CHST9: variants seen among roughly 807,000 people sequenced by gnomAD.
CHST9 encodes GalNAc-4-sulfotransferase 2.
CHST9 carries 41 observed loss-of-function variants against 44.4 expected under a neutral mutation model. The observed-to-expected ratio is 0.92, with a 90% CI of 0.72 to 1.20. CHST9 has a LOEUF of 1.20. Ranked by LOEUF, CHST9 falls within the 50% of genes most tolerant of loss-of-function variation. CHST9 has a pLI of 0.00. For synonymous variants in CHST9, 171 were observed against 178.4 expected (o/e 0.96, Z 0.33); for missense variants, 504 against 516.5 (o/e 0.98, Z 0.23).
intron 1 of CHST9, among the ~76,000 whole-genome samples, chr18:27,162,076 T>C (rs2058751842): frequency 6.6e-6 from 1 of 152,222 alleles, no homozygotes; most frequent in Non-Finnish European, 1.5e-5. Flanking sequence ...TGCCAGTCTG[T>C]GTCTTTCAGT....
intron 2 of CHST9, among the ~76,000 whole-genome samples, chr18:27,130,130 T>C (rs1403043595): frequency 6.6e-6 from 1 of 152,194 alleles, no homozygotes; most frequent in East Asian, 1.9e-4. Context: ...TGGGACTAGA[T>C]GGTGCTTTGA....
chr18:27,117,684 G>T (rs2058340051), intron 2 of CHST9, among the ~76,000 whole-genome samples: 2 of 152,032 alleles, frequency 1.3e-5, no homozygotes, highest in African/African-American at 4.8e-5. Context: ...TTACTAATAT[G>T]CATTTTTAAG....
intron 4 of CHST9, among the ~76,000 whole-genome samples, chr18:26,948,706 G>A (rs976941403): frequency 2.0e-5 from 3 of 152,282 alleles, no homozygotes; most frequent in African/African-American, 7.2e-5. Flanking sequence ...TAATGCTCTG[G>A]CTTGTTTGCC....
At chr18:26,933,715 G>T in intron 5 of CHST9, 1 of 153,766 alleles carries the variant, frequency 6.5e-6, no homozygotes. Context: ...TTGGGGCTAG[G>T]GGGCAAACGA....
intron 1 of CHST9, among the ~76,000 whole-genome samples, chr18:27,151,457 C>A (rs567177402): frequency 6.6e-6 from 1 of 152,190 alleles, no homozygotes; most frequent in Non-Finnish European, 1.5e-5. Flanking sequence ...AATGAGTCTC[C>A]CAAAAGGTCC....
At chr18:27,144,094 G>A (rs2058592017) in intron 1 of CHST9, among the ~76,000 whole-genome samples, 2 of 152,312 alleles carry the variant, frequency 1.3e-5, no homozygotes, top group Admixed American at 6.5e-5. Flanking sequence ...CCAAGGTCAC[G>A]GCTTTGTATC....
At chr18:26,961,372 G>A (rs1200767772) in intron 4 of CHST9, among the ~76,000 whole-genome samples, 2 of 151,970 alleles carry the variant, frequency 1.3e-5, no homozygotes, top group African/African-American at 4.8e-5. Context: ...TTTGTTACAC[G>A]TTAAGGCCGG....
chr18:27,055,297 T>C (rs1221165904), intron 2 of CHST9, among the ~76,000 whole-genome samples: 1 of 152,202 alleles, frequency 6.6e-6, no homozygotes, highest in Non-Finnish European at 1.5e-5. Context: ...TTTTTTAATA[T>C]CGTTTTTGTT....
At chr18:27,073,403 G>A (rs1176588421) in intron 2 of CHST9, among the ~76,000 whole-genome samples, 2 of 126,518 alleles carry the variant, frequency 1.6e-5, no homozygotes, top group Non-Finnish European at 3.3e-5. Flanking sequence ...GCTGATGGGG[G>A]TGGGGGGTGG....
At chr18:27,026,376 T>C (rs1301592057) in intron 3 of CHST9, among the ~76,000 whole-genome samples, 2 of 152,200 alleles carry the variant, frequency 1.3e-5, no homozygotes, top group Non-Finnish European at 1.5e-5. Flanking sequence ...GAACCTAGTT[T>C]AGTCTTATGC....
intron 5 of CHST9, chr18:26,935,888 A>T (rs1215090979): frequency 2.0e-5 from 3 of 152,166 alleles, no homozygotes; most frequent in African/African-American, 7.2e-5. Flanking sequence ...TTCTGCGAAA[A>T]ACAAGTGCTA....
At chr18:26,992,508 A>G (rs2056831675) in intron 4 of CHST9, among the ~76,000 whole-genome samples, 1 of 152,204 alleles carries the variant, frequency 6.6e-6, no homozygotes, top group African/African-American at 2.4e-5. Context: ...GACAGATTAG[A>G]GTGTGAAAAA....
At chr18:26,978,923 A>ACGAAC in intron 4 of CHST9, among the ~76,000 whole-genome samples, 1 of 152,218 alleles carries the variant, frequency 6.6e-6, no homozygotes, top group Admixed American at 6.5e-5. Flanking sequence ...GAGAGTCAAG[A>ACGAAC]CCTTAGCCAA....
intron 1 of CHST9, among the ~76,000 whole-genome samples, chr18:27,153,473 C>A (rs780389309): frequency 2.6e-5 from 4 of 151,460 alleles, no homozygotes; most frequent in Non-Finnish European, 5.9e-5. Flanking sequence ...CTTCACATGG[C>A]CTTTTCCTCT....
intron 4 of CHST9, among the ~76,000 whole-genome samples, chr18:26,983,092 G>C (rs1023036771): frequency 6.6e-6 from 1 of 152,148 alleles, no homozygotes; most frequent in African/African-American, 2.4e-5. Flanking sequence ...TCCAGGAAGA[G>C]GCACTGTCAA....
chr18:27,138,471 T>G (rs2058535561), intron 2 of CHST9, among the ~76,000 whole-genome samples: 1 of 152,180 alleles, frequency 6.6e-6, no homozygotes, highest in Admixed American at 6.5e-5. Context: ...TTCTCCCAAC[T>G]AATTTAACCA....
chr18:27,088,935 T>C (rs1338472881), intron 2 of CHST9, among the ~76,000 whole-genome samples: 2 of 152,178 alleles, frequency 1.3e-5, no homozygotes, highest in Non-Finnish European at 2.9e-5. Flanking sequence ...TCAGAACCTC[T>C]GTAAACAGAG....
intron 2 of CHST9, among the ~76,000 whole-genome samples, chr18:27,107,948 T>C (rs2080411009): frequency 6.6e-6 from 1 of 152,216 alleles, no homozygotes. Flanking sequence ...CAATCTCACG[T>C]CCACGTTATT....
At chr18:27,137,478 A>C (rs2058526133) in intron 2 of CHST9, among the ~76,000 whole-genome samples, 1 of 152,084 alleles carries the variant, frequency 6.6e-6, no homozygotes, top group Admixed American at 6.6e-5. Context: ...GAAACTGAGC[A>C]CATCCAGTCA....
Sources: gnomAD v4.1 joint callset for allele counts (sites outside exome capture counted in the v4.1 genomes callset) on GRCh38, gnomAD v4.1.1 for gene constraint, MANE v1.5 for transcripts, NCBI Gene and HGNC (gene_info 2026-07-23, HGNC 2026-07-21) for gene names.